Variants in CFAP91 observed in about 807,000 individuals in gnomAD.
CFAP91 encodes cilia- and flagella-associated protein 91.
CFAP91 carries 85 observed loss-of-function variants against 95.9 expected under a neutral mutation model. The observed-to-expected ratio is 0.89, with a 90% CI of 0.74 to 1.06. The LOEUF (loss-of-function observed/expected upper bound fraction) is 1.06, where lower values mean the gene tolerates loss of function less well. Among genes scored for constraint, CFAP91 ranks in the 50% least tolerant of loss-of-function variants. The pLI, the probability that CFAP91 is intolerant of heterozygous loss-of-function variation, is 0.00. For synonymous variants in CFAP91, 335 were observed against 327.5 expected (o/e 1.02, Z -0.25); for missense variants, 962 against 943.4 (o/e 1.02, Z -0.26).
intron 12 of CFAP91, 138 bp from the exon 13 acceptor site, chr3:119,740,411 C>T (rs551418744): frequency 3.2e-6 from 3 of 927,056 alleles, no homozygotes; most frequent in South Asian, 1.7e-5. Context: ...CTGTGGGACA[C>T]ATCTGCTCTG....
chr3:119,751,598 T>C (rs2054325802), intron 17 of CFAP91, among the ~76,000 whole-genome samples: 1 of 152,196 alleles, frequency 6.6e-6, no homozygotes, highest in Admixed American at 6.5e-5. Flanking sequence ...ATATTTGGCA[T>C]GAATGTACTT....
At chr3:119,744,412 G>A (rs1273836181) in intron 14 of CFAP91, among the ~76,000 whole-genome samples, 1 of 152,196 alleles carries the variant, frequency 6.6e-6, no homozygotes, top group Non-Finnish European at 1.5e-5. Context: ...TAATACGCAC[G>A]TGTATAGAAT....
chr3:119,718,209 C>T (rs137989920), intron 6 of CFAP91, among the ~76,000 whole-genome samples: 463 of 152,240 alleles, frequency 3.0e-3, no homozygotes, highest in African/African-American at 0.011. Context: ...TTAGGAAGTG[C>T]TTTCTATATT....
chr3:119,707,046 T>A, intron 2 of CFAP91, 161 bp downstream of exon 2: 1 of 605,388 alleles, frequency 1.7e-6, no homozygotes, highest in East Asian at 2.8e-5. Context: ...TCTTAATACG[T>A]GTGGCTCATT....
chr3:119,727,931 C>G (rs755954830), intron 7 of CFAP91, among the ~76,000 whole-genome samples: 1 of 151,964 alleles, frequency 6.6e-6, no homozygotes, highest in Non-Finnish European at 1.5e-5. Flanking sequence ...TTTTTTGCAC[C>G]GTCTCCTTGC....
chr3:119,764,677 T>A (rs2054597969), intron 17 of CFAP91, among the ~76,000 whole-genome samples: 1 of 152,110 alleles, frequency 6.6e-6, no homozygotes, highest in South Asian at 2.1e-4. Context: ...TCTGGAAAGG[T>A]CAATAAGAAG....
chr3:119,734,088 T>C (rs967616346), intron 10 of CFAP91, among the ~76,000 whole-genome samples: 1 of 152,176 alleles, frequency 6.6e-6, no homozygotes, highest in African/African-American at 2.4e-5. Flanking sequence ...TTAAGACACA[T>C]GCAGCTGGGC....
chr3:119,741,488 T>C (rs927352511), intron 13 of CFAP91, among the ~76,000 whole-genome samples: 2 of 152,250 alleles, frequency 1.3e-5, no homozygotes, highest in Non-Finnish European at 2.9e-5. Context: ...ACTTTCGTCA[T>C]GACCTCCCAG....
At chr3:119,745,337 C>T (rs1443416557) in intron 14 of CFAP91, among the ~76,000 whole-genome samples, 1 of 152,100 alleles carries the variant, frequency 6.6e-6, no homozygotes, top group East Asian at 1.9e-4. Flanking sequence ...AAATATGCAT[C>T]TAGATAGTGA....
At chr3:119,735,330 G>A (rs2053980970) in intron 10 of CFAP91, among the ~76,000 whole-genome samples, 1 of 152,216 alleles carries the variant, frequency 6.6e-6, no homozygotes, top group African/African-American at 2.4e-5. Context: ...AATTGCACAT[G>A]TAGCTCATCA....
chr3:119,709,408 T>C (rs1195891282), intron 4 of CFAP91, among the ~76,000 whole-genome samples: 2 of 152,226 alleles, frequency 1.3e-5, no homozygotes, highest in East Asian at 1.9e-4. Flanking sequence ...CAGTTAACTG[T>C]ACAATTCTTA....
intron 15 of CFAP91, 140 bp downstream of exon 15, chr3:119,747,403 A>G (rs1577239059): frequency 1.0e-6 from 1 of 963,092 alleles, no homozygotes; most frequent in Non-Finnish European, 1.5e-6. Flanking sequence ...ATTAACATTA[A>G]CTCTTGAGAA....
chr3:119,723,590 G>T (rs1012549900), intron 6 of CFAP91, among the ~76,000 whole-genome samples: 1 of 152,174 alleles, frequency 6.6e-6, no homozygotes, highest in Non-Finnish European at 1.5e-5. Context: ...GCAAGCTGCA[G>T]AATGAATAGC....
intron 13 of CFAP91, among the ~76,000 whole-genome samples, chr3:119,743,689 A>C (rs2054165103): frequency 6.6e-6 from 1 of 152,226 alleles, no homozygotes; most frequent in South Asian, 2.1e-4. Flanking sequence ...GAAAGAAAAA[A>C]AACCCATTCT....
intron 17 of CFAP91, among the ~76,000 whole-genome samples, chr3:119,763,463 T>G (rs142375679): frequency 2.2e-3 from 341 of 152,200 alleles, no homozygotes; most frequent in Non-Finnish European, 3.7e-3. Context: ...ATTCCACAAC[T>G]GGGTGTATAT....
intron 6 of CFAP91, among the ~76,000 whole-genome samples, chr3:119,721,846 C>A (rs1252009981): frequency 6.6e-6 from 1 of 152,126 alleles, no homozygotes; most frequent in Non-Finnish European, 1.5e-5. Context: ...CAACATACAT[C>A]AGTCGCTTTC....
intron 5 of CFAP91, chr3:119,713,340 G>C (rs965110471): frequency 6.6e-6 from 1 of 150,658 alleles, no homozygotes; most frequent in African/African-American, 2.4e-5. Flanking sequence ...GGCTGGTCTC[G>C]AACTCCTGAC....
intron 2 of CFAP91, 84 bp from the exon 3 acceptor site, chr3:119,707,320 T>TA (rs1180098344): frequency 9.5e-7 from 1 of 1,056,574 alleles, no homozygotes; most frequent in Admixed American, 2.4e-5. Context: ...TGTATGTTTT[T>TA]AAAAAGAGTT....
At chr3:119,716,715 T>C (rs2053581243) in intron 6 of CFAP91, among the ~76,000 whole-genome samples, 1 of 152,166 alleles carries the variant, frequency 6.6e-6, no homozygotes, top group African/African-American at 2.4e-5. Flanking sequence ...GTCTCCCGAG[T>C]AGCTGGGAGT....
Sources: gnomAD v4.1 joint callset for allele counts (sites outside exome capture counted in the v4.1 genomes callset) on GRCh38, gnomAD v4.1.1 for gene constraint, MANE v1.5 for transcripts, NCBI Gene and HGNC (gene_info 2026-07-23, HGNC 2026-07-21) for gene names.